ITGA4: variants seen among roughly 807,000 people sequenced by gnomAD.
ITGA4 encodes integrin alpha-4.
A neutral mutation model predicts 133.6 loss-of-function variants in ITGA4; 63 were observed. The ratio of observed to expected loss-of-function variants is 0.47; its 90% CI spans 0.38 to 0.58. ITGA4 has a LOEUF of 0.58. Among genes scored for constraint, ITGA4 ranks in the 20% least tolerant of loss-of-function variants. The probability of loss-of-function intolerance (pLI) is 0.00; values close to 1 mark genes in which losing one functional copy is unlikely to be tolerated. For missense variants in ITGA4, 1,076 were observed against 1,252.7 expected (o/e 0.86, Z 2.13); for synonymous variants, 483 against 438.0 (o/e 1.10, Z -1.28).
At chr2:181,458,483 G>C (rs998315763) in intron 2 of ITGA4, 166 bp downstream of exon 2, 1 of 721,760 alleles carries the variant, frequency 1.4e-6, no homozygotes, top group African/African-American at 1.8e-5. Context: ...ATATAAAAGG[G>C]ATTCCCTTTC....
intron 20 of ITGA4, 52 bp downstream of exon 20, chr2:181,524,302 G>C (rs538294865): frequency 2.8e-5 from 27 of 979,274 alleles, no homozygotes; most frequent in Non-Finnish European, 3.9e-5. Context: ...CATATTCTGA[G>C]GGGGGGGAAT....
chr2:181,470,145 A>T (rs1278992961), intron 2 of ITGA4, among the ~76,000 whole-genome samples: 1 of 152,206 alleles, frequency 6.6e-6, no homozygotes, highest in African/African-American at 2.4e-5. Flanking sequence ...GAAAGTAAGT[A>T]TAACTATAAT....
chr2:181,467,357 C>A (rs1356547708), intron 2 of ITGA4, among the ~76,000 whole-genome samples: 1 of 152,016 alleles, frequency 6.6e-6, no homozygotes, highest in African/African-American at 2.4e-5. Flanking sequence ...GACTGAGAGC[C>A]CCAGTCAAAT....
chr2:181,468,723 T>G (rs1685481561), intron 2 of ITGA4, among the ~76,000 whole-genome samples: 2 of 152,136 alleles, frequency 1.3e-5, no homozygotes, highest in Admixed American at 1.3e-4. Context: ...CTGATACACA[T>G]CAGTAGGAAG....
chr2:181,530,921 G>C (rs772058036), intron 24 of ITGA4, among the ~76,000 whole-genome samples: 1 of 152,070 alleles, frequency 6.6e-6, no homozygotes. Context: ...AAGGTCAGGA[G>C]TTCGAGACCA....
intron 17 of ITGA4, among the ~76,000 whole-genome samples, chr2:181,521,711 T>A (rs574079239): frequency 6.6e-6 from 1 of 152,306 alleles, no homozygotes; most frequent in East Asian, 1.9e-4. Context: ...ACATAGTAGT[T>A]CTTCCTCATG....
intron 10 of ITGA4, among the ~76,000 whole-genome samples, chr2:181,489,458 A>G (rs1412543599): frequency 2.0e-5 from 3 of 152,220 alleles, no homozygotes; most frequent in African/African-American, 4.8e-5. Flanking sequence ...TTTATTTCAT[A>G]TGTAAAATAG....
At chr2:181,511,820 G>A (rs755435579) in intron 17 of ITGA4, 45 bp downstream of exon 17, 2 of 850,884 alleles carry the variant, frequency 2.4e-6, no homozygotes, top group East Asian at 4.9e-5. Context: ...TCGAGAGGGT[G>A]TAATGAGTGT....
chr2:181,496,890 A>G lies in ITGA4; in HGVS notation c.1540+953A>G, dbSNP rs187531660. On this transcript the variant is annotated intron_variant, in intron 14 of 27. Transcript: ENST00000397033. ...TATCTAAACATCGTGAAGGGCCCAC[A>G]TACTTATTAAATAATGCCATGGATA... 3.3e-5 allele frequency among the ~76,000 whole-genome samples: 5 copies of G among 152,304 alleles called. 1 individual carries two copies. In the East Asian group the frequency reaches 7.7e-4, roughly 24 times the overall value.
intron 15 of ITGA4, among the ~76,000 whole-genome samples, chr2:181,505,632 G>A (rs10202158): frequency 2.0e-3 from 297 of 152,166 alleles, no homozygotes; most frequent in African/African-American, 6.9e-3. Context: ...GTCCTTAGGT[G>A]GAGCTGTTAA....
At chr2:181,498,489 A>T in intron 14 of ITGA4, 134 bp from the exon 15 acceptor site, 1 of 470,902 alleles carries the variant, frequency 2.1e-6, no homozygotes, top group Non-Finnish European at 3.7e-6. Context: ...GTTAGTCTTT[A>T]AAAAGCTGTT....
At chr2:181,463,300 G>C (rs1179715968) in intron 2 of ITGA4, among the ~76,000 whole-genome samples, 1 of 152,144 alleles carries the variant, frequency 6.6e-6, no homozygotes, top group Non-Finnish European at 1.5e-5. Flanking sequence ...TTTACCCTAG[G>C]ATATTTAAAA....
At position 181,537,182 on chromosome 2, in the gene ITGA4, T is replaced by C. The variant is rs1687170264; in HGVS notation, c.*1655T>C. On this transcript the variant is annotated 3_prime_UTR_variant, in exon 28 of 28. Transcript: ENST00000397033. Reference sequence around the variant, plus strand: ...CATTCTTTCAGGAGAACATCTAGGATCATAGATGAAAAATCAAGCCCCGAT... The same window carrying C: ...CATTCTTTCAGGAGAACATCTAGGACCATAGATGAAAAATCAAGCCCCGAT... 2.2e-6 allele frequency: 1 copy of C among 453,570 alleles called. No homozygotes were observed. Among genetic ancestry groups the C allele is most frequent in the African/African-American group, 2.0e-5 (1 of 49,992 alleles). 28.1% of individuals were successfully genotyped at this position (453,570 alleles called of 1,614,324 possible). A position where few individuals can be genotyped will look rare whatever the true frequency, so the allele number is the denominator to read the frequency against.
chr2:181,529,250 TTTA>T, intron 22 of ITGA4, among the ~76,000 whole-genome samples: 1 of 133,318 alleles, frequency 7.5e-6, no homozygotes, highest in South Asian at 3.6e-4. Flanking sequence ...ATATATATTG[TTTA>T]TGTCTCCTAA....
chr2:181,494,921 A>AT, intron 12 of ITGA4, 109 bp downstream of exon 12: 3 of 651,308 alleles, frequency 4.6e-6, no homozygotes, highest in Non-Finnish European at 8.1e-6. Context: ...CTTACTGATA[A>AT]TTTTTTTTCT....
At chr2:181,522,550 C>T (rs1008545249) in intron 18 of ITGA4, among the ~76,000 whole-genome samples, 1 of 152,138 alleles carries the variant, frequency 6.6e-6, no homozygotes, top group Non-Finnish European at 1.5e-5. Flanking sequence ...TTTTCCAGTA[C>T]TAGGAGTAGG....
At chr2:181,535,077 C>A (rs1574417501) in intron 27 of ITGA4, 142 bp downstream of exon 27, 2 of 859,678 alleles carry the variant, frequency 2.3e-6, no homozygotes, top group East Asian at 6.1e-5. Flanking sequence ...TCTCACATTT[C>A]TCTTCAACAC....
At chr2:181,492,556 AT>A (rs34165729) in intron 10 of ITGA4, among the ~76,000 whole-genome samples, 127,533 of 152,084 alleles carry the variant, frequency 0.84, 53,786 homozygotes, top group Middle Eastern at 0.95. Flanking sequence ...CAACTGTAGA[AT>A]ATTATTTTTC....
intron 10 of ITGA4, among the ~76,000 whole-genome samples, chr2:181,489,726 CAG>C (rs1003448749): frequency 4.6e-5 from 7 of 152,152 alleles, no homozygotes; most frequent in Non-Finnish European, 8.8e-5. Context: ...GCGATCAAGT[CAG>C]AGCTTGTGGG....
Sources: allele counts gnomAD v4.1 joint callset (sites outside exome capture counted in the v4.1 genomes callset), GRCh38; gene constraint gnomAD v4.1.1; transcripts MANE v1.5; gene names NCBI Gene and HGNC (gene_info 2026-07-23, HGNC 2026-07-21).